RBFOX3: variants seen among roughly 807,000 people sequenced by gnomAD.
The protein encoded by RBFOX3 is RNA binding fox-1 homolog 3.
Under a neutral mutation model 48.7 loss-of-function variants are expected in RBFOX3, and 17 were observed. The observed-to-expected ratio is 0.35, with a 90% CI of 0.24 to 0.52. RBFOX3 has a LOEUF of 0.52. Among genes scored for constraint, RBFOX3 ranks in the 20% least tolerant of loss-of-function variants. The probability of loss-of-function intolerance (pLI) is 0.94; values close to 1 mark genes in which losing one functional copy is unlikely to be tolerated. For missense variants in RBFOX3, 382 were observed against 497.5 expected (o/e 0.77, Z 2.21); for synonymous variants, 212 against 209.5 (o/e 1.01, Z -0.10).
At chr17:79,428,039 T>C (rs1555726498) in intron 2 of RBFOX3, among the ~76,000 whole-genome samples, 1 of 152,196 alleles carries the variant, frequency 6.6e-6, no homozygotes, top group African/African-American at 2.4e-5. Flanking sequence ...CCTGTATAAC[T>C]GAATGTCCAG....
chr17:79,393,669 C>T (rs2061623499), intron 2 of RBFOX3, among the ~76,000 whole-genome samples: 1 of 151,916 alleles, frequency 6.6e-6, no homozygotes, highest in South Asian at 2.1e-4. Flanking sequence ...ATGATCTGAG[C>T]CTGTCGCCAC....
chr17:79,397,248 C>T (rs974712194), intron 2 of RBFOX3, among the ~76,000 whole-genome samples: 1 of 151,938 alleles, frequency 6.6e-6, no homozygotes, highest in East Asian at 1.9e-4. Context: ...TTTGGGAGGC[C>T]GAGGCAGGCG....
intron 4 of RBFOX3, among the ~76,000 whole-genome samples, chr17:79,187,548 G>A (rs892580237): frequency 2.6e-5 from 4 of 152,062 alleles, no homozygotes; most frequent in East Asian, 1.9e-4. Flanking sequence ...ACTGGGGGAC[G>A]AAAGAGGCAG....
At chr17:79,625,533 G>T in the RBFOX3 span, among the ~76,000 whole-genome samples, 1 of 152,184 alleles carries the variant, frequency 6.6e-6, no homozygotes, top group Non-Finnish European at 1.5e-5. Context: ...GCTCACACCT[G>T]TAATCCCAGC....
At chr17:79,159,082 G>A (rs547243126) in intron 4 of RBFOX3, among the ~76,000 whole-genome samples, 10 of 152,338 alleles carry the variant, frequency 6.6e-5, no homozygotes, top group South Asian at 2.1e-4. Context: ...TGCAGCTACC[G>A]AGGCCACACG....
chr17:79,592,523 G>A (rs2093451587), intron 1 of RBFOX3, among the ~76,000 whole-genome samples: 3 of 152,046 alleles, frequency 2.0e-5, no homozygotes, highest in Admixed American at 6.5e-5. Context: ...CACCCTGTGG[G>A]CAACTGGAGC....
rs551685098 is a variant in RBFOX3, at chr17:79,443,877, A to G, written c.-175+38577T>C. 1.6e-4 allele frequency among the ~76,000 whole-genome samples: 24 copies of G among 152,280 alleles called. No homozygotes were observed. In the South Asian group the frequency reaches 4.8e-3, roughly 30 times the overall value. On this transcript the variant is annotated intron_variant, in intron 2 of 14. Coordinates refer to ENST00000693108, the MANE Select transcript of RBFOX3 (RefSeq NM_001350451.2). This position sits in a 1 kb window ranked among gnomAD's most constrained non-coding sequence, Gnocchi z 4.4. Reference sequence around the variant, plus strand: ...AGGCTGCAGAGAACTCAGAATGCCAACAAGGAGAACAGAAATCCTACAGGG... The same window carrying G: ...AGGCTGCAGAGAACTCAGAATGCCAGCAAGGAGAACAGAAATCCTACAGGG...
At chr17:79,597,843 G>T (rs1173193372) in intron 1 of RBFOX3, among the ~76,000 whole-genome samples, 1 of 152,212 alleles carries the variant, frequency 6.6e-6, no homozygotes, top group Non-Finnish European at 1.5e-5. Flanking sequence ...ATCCCATGGG[G>T]GAGAAACAAT....
intron 1 of RBFOX3, among the ~76,000 whole-genome samples, chr17:79,523,160 G>T (rs997264532): frequency 2.0e-5 from 3 of 152,000 alleles, no homozygotes; most frequent in Non-Finnish European, 4.4e-5. Flanking sequence ...GGAGAATGTG[G>T]AATTGTTTCT....
chr17:79,138,856 TCACGCCCCCTCTC>T (rs2041173437), intron 4 of RBFOX3, among the ~76,000 whole-genome samples: 6 of 91,370 alleles, frequency 6.6e-5, no homozygotes, highest in African/African-American at 2.9e-4. Context: ...GCACATGCAT[TCACGCCCCCTCTC>T]ACCCACACAC....
At chr17:79,592,584 AAGGCTGGGGC>A (rs2093453021) in intron 1 of RBFOX3, among the ~76,000 whole-genome samples, 1 of 151,958 alleles carries the variant, frequency 6.6e-6, no homozygotes, top group South Asian at 2.1e-4. Flanking sequence ...TGTCCCTGGG[AAGGCTGGGGC>A]AGGGAGTGGT....
intron 4 of RBFOX3, among the ~76,000 whole-genome samples, chr17:79,121,791 C>A (rs2035806436): frequency 1.3e-5 from 2 of 152,122 alleles, no homozygotes; most frequent in South Asian, 4.1e-4. Flanking sequence ...AGAACTCGGA[C>A]CTCTTTCTTC....
chr17:79,166,376 C>A (rs1441536835), intron 4 of RBFOX3, among the ~76,000 whole-genome samples: 1 of 152,162 alleles, frequency 6.6e-6, no homozygotes, highest in African/African-American at 2.4e-5. Flanking sequence ...ACTCAGGCAG[C>A]CGAGACTGAG....
At chr17:79,635,762 G>A in the RBFOX3 span, among the ~76,000 whole-genome samples, 1 of 152,020 alleles carries the variant, frequency 6.6e-6, no homozygotes, top group African/African-American at 2.4e-5. Flanking sequence ...CATGAACAAC[G>A]AGTGGGAAAA....
intron 4 of RBFOX3, among the ~76,000 whole-genome samples, chr17:79,182,573 A>C: frequency 6.7e-6 from 1 of 148,440 alleles, no homozygotes; most frequent in African/African-American, 2.5e-5. Flanking sequence ...GCGGCTGCTG[A>C]TGCTCTGTGC....
At chr17:79,419,371 G>C (rs139546721) in intron 2 of RBFOX3, among the ~76,000 whole-genome samples, 1 of 152,268 alleles carries the variant, frequency 6.6e-6, no homozygotes, top group East Asian at 1.9e-4. Context: ...ATGAGCCAAC[G>C]CCTCACCACT....
intron 1 of RBFOX3, among the ~76,000 whole-genome samples, chr17:79,515,040 G>T (rs1156351726): frequency 6.6e-6 from 1 of 152,290 alleles, no homozygotes; most frequent in South Asian, 2.1e-4. Flanking sequence ...ACACACCTTC[G>T]GGTGTCCTGA....
In RBFOX3 at chr17:79,115,519, G is replaced by A; in HGVS notation, c.197C>T (p.Pro66Leu). The A allele has an allele frequency of 1.5e-6, 2 of 1,339,564 alleles. No homozygotes were observed. Among genetic ancestry groups the A allele is most frequent in the East Asian group, 6.1e-5 (2 of 32,748 alleles). The allele number at this position is 1,339,564 out of a possible 1,614,324, so 83.0% of individuals were successfully genotyped here. Reference protein sequence around the residue: ...EQPGSEASTQPIAGTQTVPQT... With the variant: ...EQPGSEASTQLIAGTQTVPQT... ...CGGCACTGTCTGGGTCCCGGCGATG[G>A]GCTGTGTGCTGGCCTCGGAGCCTGG... The change falls in exon 5 of 15, where the codon CCC becomes CTC. Residue 66 changes from proline (P) to leucine (L), a missense_variant. Physicochemically the swap from Pro to Leu is moderately conservative, Grantham distance 98 (BLOSUM62 -3). This residue lies in a region of RBFOX3 where 118 missense variants were observed against 132.1 expected (regional missense o/e 0.89). Coordinates refer to ENST00000693108, the MANE Select transcript of RBFOX3 (RefSeq NM_001350451.2).
the RBFOX3 span, among the ~76,000 whole-genome samples, chr17:79,639,971 C>A: frequency 6.6e-6 from 1 of 152,122 alleles, no homozygotes; most frequent in African/African-American, 2.4e-5. Flanking sequence ...GAAGTTCTAG[C>A]CAGTGCTATT....
Sources: allele counts gnomAD v4.1 joint callset (sites outside exome capture counted in the v4.1 genomes callset), GRCh38; gene constraint gnomAD v4.1.1; regional missense constraint gnomAD v4.1.1; non-coding constraint Gnocchi (gnomAD v3.1); transcripts MANE v1.5; gene names NCBI Gene and HGNC (gene_info 2026-07-23, HGNC 2026-07-21).